Variants in ROBO2 observed in about 807,000 individuals in gnomAD.
ROBO2 encodes roundabout homolog 2.
Under a neutral mutation model 160.8 loss-of-function variants are expected in ROBO2, and 53 were observed. That is an observed-to-expected ratio of 0.33 (90% CI 0.26 to 0.41). The LOEUF (loss-of-function observed/expected upper bound fraction) is 0.41, where lower values mean the gene tolerates loss of function less well. ROBO2 is among the 10% of genes least tolerant of loss of function. The pLI is 1.00. For synonymous variants in ROBO2, 664 were observed against 611.7 expected, an observed-to-expected ratio of 1.09 and a Z score of -1.26; for missense variants, 1,577 against 1,722.4, an observed-to-expected ratio of 0.92 and a Z score of 1.49.
At chr3:77,200,179 T>C (rs1480586240) in intron 2 of ROBO2, among the ~76,000 whole-genome samples, 1 of 148,410 alleles carries the variant, frequency 6.7e-6, no homozygotes, top group Non-Finnish European at 1.5e-5. Context: ...ACTTTCCTTC[T>C]AACAATGTTT....
chr3:77,528,288 A>G (rs1245943327), intron 6 of ROBO2, among the ~76,000 whole-genome samples: 1 of 151,638 alleles, frequency 6.6e-6, no homozygotes, highest in Non-Finnish European at 1.5e-5. Flanking sequence ...CTTCTTTAAT[A>G]TAACAAAAAG....
chr3:76,202,908 G>A (rs1702604706), intron 2 of ROBO2, among the ~76,000 whole-genome samples: 1 of 151,958 alleles, frequency 6.6e-6, no homozygotes. Flanking sequence ...GGGCTCTCTA[G>A]GCAGAGTGAC....
intron 1 of ROBO2, among the ~76,000 whole-genome samples, chr3:75,921,558 C>G (rs1419983780): frequency 6.6e-6 from 1 of 151,982 alleles, no homozygotes; most frequent in Non-Finnish European, 1.5e-5. Context: ...GCTATAGAAT[C>G]AGAATCAGGT....
At position 76,531,551 on chromosome 3, in the gene ROBO2, A is replaced by C. The variant is rs143237727; in HGVS notation, c.110-566463A>C. 7.8e-3 allele frequency among the ~76,000 whole-genome samples: 1,185 copies of C among 151,656 alleles called. 17 individuals carry two copies. The highest frequency in any genetic ancestry group is 0.026 in the African/African-American group (1,084 of 41,416). On this transcript the variant is annotated intron_variant, in intron 2 of 26. Transcript: ENST00000487694. ...ACTTACATCATGAAAAAGGTAAAACAACTGCCCTATAGCCTTTCTGATCTT... is the reference window on the plus strand; with the variant it reads ...ACTTACATCATGAAAAAGGTAAAACCACTGCCCTATAGCCTTTCTGATCTT...
At chr3:77,023,587 G>C (rs2062774028) in intron 2 of ROBO2, among the ~76,000 whole-genome samples, 1 of 152,160 alleles carries the variant, frequency 6.6e-6, no homozygotes, top group African/African-American at 2.4e-5. Context: ...ATAACTTTTT[G>C]TATGTCACAT....
chr3:76,722,118 C>CA (rs989280068), intron 2 of ROBO2, among the ~76,000 whole-genome samples: 5 of 151,992 alleles, frequency 3.3e-5, no homozygotes, highest in African/African-American at 1.2e-4. Flanking sequence ...AAACTGGGAA[C>CA]AGAGGGAATG....
chr3:76,269,224 A>G (rs35179517), intron 2 of ROBO2, among the ~76,000 whole-genome samples: 20,420 of 152,024 alleles, frequency 0.13, 2,159 homozygotes, highest in East Asian at 0.41. Flanking sequence ...TACCCCATTT[A>G]CTCTAATGTG....
chr3:76,351,138 T>A (rs962906042), intron 2 of ROBO2, among the ~76,000 whole-genome samples: 9 of 151,958 alleles, frequency 5.9e-5, no homozygotes, highest in Non-Finnish European at 1.3e-4. Context: ...TGTAGTATGA[T>A]CTCTCTTTTA....
At chr3:76,887,473 A>G (rs1012443511) in intron 2 of ROBO2, among the ~76,000 whole-genome samples, 1 of 152,018 alleles carries the variant, frequency 6.6e-6, no homozygotes, top group Admixed American at 6.6e-5. Flanking sequence ...CGTAAGGTGC[A>G]GTGGTGGGTG....
intron 2 of ROBO2, among the ~76,000 whole-genome samples, chr3:76,381,956 G>T (rs758431795): frequency 1.3e-5 from 2 of 151,900 alleles, no homozygotes; most frequent in Non-Finnish European, 2.9e-5. Flanking sequence ...AGACTTTGTC[G>T]TTGTTGTTTT....
At chr3:76,385,957 G>A (rs1222433505) in intron 2 of ROBO2, among the ~76,000 whole-genome samples, 3 of 152,174 alleles carry the variant, frequency 2.0e-5, no homozygotes, top group South Asian at 2.1e-4. Context: ...ATGTGTGAAA[G>A]GTGACTAGAA....
At chr3:76,389,496 T>C (rs564962343) in intron 2 of ROBO2, among the ~76,000 whole-genome samples, 2 of 152,320 alleles carry the variant, frequency 1.3e-5, no homozygotes, top group African/African-American at 4.8e-5. Flanking sequence ...GAAGATACCA[T>C]CTTGAACTAT....
chr3:76,327,609 A>G (rs1013473661), intron 2 of ROBO2, among the ~76,000 whole-genome samples: 3 of 152,218 alleles, frequency 2.0e-5, no homozygotes, highest in African/African-American at 7.2e-5. Flanking sequence ...CACTAATATG[A>G]TTAAATCTAG....
chr3:77,068,113 T>G (rs1223475762), intron 1 of ROBO2, among the ~76,000 whole-genome samples: 1 of 152,116 alleles, frequency 6.6e-6, no homozygotes, highest in Non-Finnish European at 1.5e-5. Context: ...ACACCATTAG[T>G]CTTCTGTCAT....
At chr3:77,161,780 C>G (rs1210061744) in intron 2 of ROBO2, among the ~76,000 whole-genome samples, 4 of 151,746 alleles carry the variant, frequency 2.6e-5, no homozygotes, top group African/African-American at 9.7e-5. Flanking sequence ...ATTCAATTTC[C>G]CTTATTCTTT....
intron 2 of ROBO2, among the ~76,000 whole-genome samples, chr3:76,691,714 G>A (rs1027192032): frequency 6.6e-6 from 1 of 152,126 alleles, no homozygotes; most frequent in Non-Finnish European, 1.5e-5. Context: ...AATAAACAGA[G>A]AGAACAGAGT....
intron 1 of ROBO2, among the ~76,000 whole-genome samples, chr3:77,082,260 T>A (rs1214994216): frequency 6.6e-6 from 1 of 152,174 alleles, no homozygotes; most frequent in East Asian, 1.9e-4. Context: ...CTAAAAATAA[T>A]TTAGTATTCA....
chr3:77,469,665 G>C (rs1353969648), intron 2 of ROBO2, among the ~76,000 whole-genome samples: 3 of 152,064 alleles, frequency 2.0e-5, no homozygotes, highest in Non-Finnish European at 4.4e-5. Context: ...TTCTTGAACT[G>C]TCTGGCTTTT....
At chr3:76,143,059 C>T (rs2106779007) in intron 2 of ROBO2, among the ~76,000 whole-genome samples, 1 of 151,728 alleles carries the variant, frequency 6.6e-6, no homozygotes, top group East Asian at 1.9e-4. Flanking sequence ...GAACTTCTTG[C>T]CCTGTCACCC....
Sources: gnomAD v4.1 joint callset for allele counts (sites outside exome capture counted in the v4.1 genomes callset) on GRCh38, gnomAD v4.1.1 for gene constraint, MANE v1.5 for transcripts, NCBI Gene and HGNC (gene_info 2026-07-23, HGNC 2026-07-21) for gene names.